CDKAL1: variants seen among roughly 807,000 people sequenced by gnomAD.
CDKAL1 encodes the protein CDKAL1 threonylcarbamoyladenosine tRNA methylthiotransferase, also known as threonylcarbamoyladenosine tRNA methylthiotransferase.
Under a neutral mutation model 68.2 loss-of-function variants are expected in CDKAL1, and 32 were observed. The observed-to-expected ratio is 0.47, with a 90% confidence interval of 0.35 to 0.63. The LOEUF (loss-of-function observed/expected upper bound fraction) is 0.63. Ranked by LOEUF, CDKAL1 falls within the 30% of genes least tolerant of loss-of-function variation. The pLI, the probability that CDKAL1 is intolerant of heterozygous loss-of-function variation, is 0.00. For missense variants in CDKAL1, 606 were observed against 696.7 expected, an observed-to-expected ratio of 0.87 and a Z score of 1.47; for synonymous variants, 234 against 244.3, an observed-to-expected ratio of 0.96 and a Z score of 0.39.
chr6:21,087,240 G>A (rs1365696120), intron 12 of CDKAL1, among the ~76,000 whole-genome samples: 3 of 152,206 alleles, frequency 2.0e-5, no homozygotes, highest in African/African-American at 4.8e-5. Context: ...GCTGCTCTAC[G>A]GGAGGACTCT....
chr6:20,907,670 C>G (rs1323499162), intron 9 of CDKAL1, among the ~76,000 whole-genome samples: 2 of 152,190 alleles, frequency 1.3e-5, no homozygotes, highest in Non-Finnish European at 2.9e-5. Flanking sequence ...TGAGAGCTCC[C>G]CCGTGTGTGA....
intron 8 of CDKAL1, among the ~76,000 whole-genome samples, chr6:20,835,262 T>C (rs1486096022): frequency 6.6e-6 from 1 of 152,178 alleles, no homozygotes; most frequent in East Asian, 1.9e-4. Context: ...TTTTTAAATA[T>C]GTACAGTTTA....
intron 13 of CDKAL1, among the ~76,000 whole-genome samples, chr6:21,111,986 G>A (rs2150996219): frequency 6.6e-6 from 1 of 152,060 alleles, no homozygotes; most frequent in Non-Finnish European, 1.5e-5. Context: ...TTGTATTATA[G>A]TTTCTGAAAC....
intron 5 of CDKAL1, among the ~76,000 whole-genome samples, chr6:20,718,950 A>T (rs1772218938): frequency 6.6e-6 from 1 of 152,222 alleles, no homozygotes; most frequent in Non-Finnish European, 1.5e-5. Context: ...ATAGATTTTT[A>T]GTCCTGGAAG....
chr6:20,592,468 C>CTTT (rs34023799), intron 4 of CDKAL1, among the ~76,000 whole-genome samples: 4 of 130,442 alleles, frequency 3.1e-5, no homozygotes, highest in African/African-American at 5.6e-5. Flanking sequence ...ATGCTTCCAG[C>CTTT]TTTTTTTTTT....
At chr6:20,848,573 G>A (rs181984185) in intron 9 of CDKAL1, among the ~76,000 whole-genome samples, 48 of 152,242 alleles carry the variant, frequency 3.2e-4, no homozygotes, top group African/African-American at 9.1e-4. Flanking sequence ...TAGCAGTAAC[G>A]TAGCTATTTT....
intron 12 of CDKAL1, among the ~76,000 whole-genome samples, chr6:21,088,098 G>A (rs566796556): frequency 1.3e-5 from 2 of 152,272 alleles, no homozygotes; most frequent in Admixed American, 6.5e-5. Context: ...TTATGCCAGG[G>A]ACCCACATTT....
At chr6:20,789,363 T>C (rs895836187) in intron 8 of CDKAL1, among the ~76,000 whole-genome samples, 5 of 152,234 alleles carry the variant, frequency 3.3e-5, no homozygotes, top group African/African-American at 4.8e-5. Context: ...TATAGGCTCA[T>C]ACCTGCGAAG....
At chr6:20,783,032 T>C (rs1307095088) in intron 8 of CDKAL1, among the ~76,000 whole-genome samples, 1 of 151,976 alleles carries the variant, frequency 6.6e-6, no homozygotes, top group African/African-American at 2.4e-5. Context: ...CGGGTTCAAG[T>C]GATTCTCCTG....
chr6:20,984,192 A>G (rs950640925), intron 10 of CDKAL1, among the ~76,000 whole-genome samples: 1 of 152,226 alleles, frequency 6.6e-6, no homozygotes, highest in Admixed American at 6.5e-5. Context: ...CTGAAGCAGG[A>G]TATTTCCCTG....
chr6:21,200,213 C>T (rs75558689), intron 14 of CDKAL1, among the ~76,000 whole-genome samples: 18 of 152,298 alleles, frequency 1.2e-4, no homozygotes, highest in East Asian at 5.8e-4. Context: ...GGAAGGGAAA[C>T]GTTTGCTTGA....
At chr6:20,962,990 A>G (rs932911931) in intron 10 of CDKAL1, among the ~76,000 whole-genome samples, 1 of 152,168 alleles carries the variant, frequency 6.6e-6, no homozygotes, top group South Asian at 2.1e-4. Context: ...TAGAAACAGA[A>G]GTTTGTGTCT....
At position 20,543,543 on chromosome 6, in the gene CDKAL1, C is replaced by T. The variant is rs538536438; in HGVS notation, c.-5-2803C>T. Among the ~76,000 whole-genome samples the T allele has an allele frequency of 2.0e-5, 3 of 152,116 alleles. No homozygotes were observed. The South Asian group carries it at 6.2e-4, about 32-fold the overall frequency. ...TCCACTCTGTAGTTTGACTGTTTGA[C>T]TTTTCAGCCTCTTAATAGGGTCTTT... On this transcript the variant is annotated intron_variant, in intron 2 of 15. Coordinates refer to ENST00000274695, the MANE Select transcript of CDKAL1 (RefSeq NM_017774.3).
intron 11 of CDKAL1, among the ~76,000 whole-genome samples, chr6:21,016,616 C>T (rs771272733): frequency 1.5e-5 from 1 of 68,944 alleles, no homozygotes. Context: ...TTCCATTCAT[C>T]CATCCATCCA....
chr6:20,682,951 C>CTTT (rs11364854), intron 5 of CDKAL1, among the ~76,000 whole-genome samples: 4 of 126,532 alleles, frequency 3.2e-5, no homozygotes, highest in African/African-American at 1.2e-4. Context: ...CTTTTTCTTT[C>CTTT]TTTTTTTTTT....
At chr6:21,209,686 G>A (rs1164778011) in intron 15 of CDKAL1, among the ~76,000 whole-genome samples, 3 of 152,156 alleles carry the variant, frequency 2.0e-5, no homozygotes, top group African/African-American at 7.2e-5. Context: ...TCCCTTAAGA[G>A]CAAAAGGGAT....
At chr6:20,552,421 A>G (rs1168862831) in intron 4 of CDKAL1, among the ~76,000 whole-genome samples, 1 of 151,952 alleles carries the variant, frequency 6.6e-6, no homozygotes, top group Non-Finnish European at 1.5e-5. Flanking sequence ...ATGTCATATT[A>G]AATATCTAAT....
intron 4 of CDKAL1, among the ~76,000 whole-genome samples, chr6:20,565,014 A>G (rs1407560428): frequency 1.3e-5 from 2 of 152,158 alleles, no homozygotes; most frequent in East Asian, 1.9e-4. Flanking sequence ...TGTGGTGAAT[A>G]CACTTCCCAT....
At chr6:20,746,690 TTATATG>T (rs1773677705) in intron 6 of CDKAL1, among the ~76,000 whole-genome samples, 1 of 152,212 alleles carries the variant, frequency 6.6e-6, no homozygotes, top group Non-Finnish European at 1.5e-5. Flanking sequence ...GGAAAAGACT[TTATATG>T]TATAGTTCTT....
Sources: gnomAD v4.1 joint callset for allele counts (sites outside exome capture counted in the v4.1 genomes callset) on GRCh38, gnomAD v4.1.1 for gene constraint, MANE v1.5 for transcripts, NCBI Gene and HGNC (gene_info 2026-07-23, HGNC 2026-07-21) for gene names.